Variants in CSMD1 observed in about 807,000 individuals in gnomAD.
The protein encoded by CSMD1 is CUB and Sushi multiple domains 1.
Under a neutral mutation model 417.5 loss-of-function variants are expected in CSMD1, and 213 were observed. The observed-to-expected ratio is 0.51, with a 90% confidence interval of 0.46 to 0.57. CSMD1 has a LOEUF of 0.57. Ranked by LOEUF, CSMD1 falls within the 20% of genes least tolerant of loss-of-function variation. The pLI is 0.00. For synonymous variants in CSMD1, 2,862 were observed against 1,736.8 expected (o/e 1.65, Z -16.11); for missense variants, 6,923 against 4,529.7 (o/e 1.53, Z -15.17).
chr8:4,288,373 G>C (rs1213936749), intron 3 of CSMD1, among the ~76,000 whole-genome samples: 2 of 152,146 alleles, frequency 1.3e-5, no homozygotes, highest in Non-Finnish European at 2.9e-5. Context: ...ATTCCAGAGA[G>C]GCTATCTTAC....
At chr8:3,881,933 T>C (rs955430219) in intron 5 of CSMD1, among the ~76,000 whole-genome samples, 1 of 152,042 alleles carries the variant, frequency 6.6e-6, no homozygotes, top group Non-Finnish European at 1.5e-5. Flanking sequence ...TCTTTATAAT[T>C]CCACAGAGAT....
chr8:4,817,179 C>T (rs1395809981), intron 1 of CSMD1, among the ~76,000 whole-genome samples: 1 of 152,040 alleles, frequency 6.6e-6, no homozygotes, highest in Non-Finnish European at 1.5e-5. Context: ...ACACTATACT[C>T]ATGTATAAAT....
At chr8:4,948,297 G>C (rs970612806) in intron 1 of CSMD1, among the ~76,000 whole-genome samples, 1 of 151,880 alleles carries the variant, frequency 6.6e-6, no homozygotes, top group African/African-American at 2.4e-5. Flanking sequence ...ATAATGTTAG[G>C]TATAGTTGTT....
At chr8:3,477,556 T>C (rs1424862157) in intron 11 of CSMD1, among the ~76,000 whole-genome samples, 3 of 152,322 alleles carry the variant, frequency 2.0e-5, no homozygotes, top group Middle Eastern at 3.4e-3. Flanking sequence ...GGCAGACTCA[T>C]TCCTCTTGAG....
intron 1 of CSMD1, among the ~76,000 whole-genome samples, chr8:4,790,709 C>G: frequency 6.6e-6 from 1 of 152,038 alleles, no homozygotes; most frequent in Non-Finnish European, 1.5e-5. Flanking sequence ...TTTTACAAAG[C>G]CAGCAAAAAG....
At chr8:4,116,029 C>G (rs1262891280) in intron 3 of CSMD1, among the ~76,000 whole-genome samples, 1 of 151,082 alleles carries the variant, frequency 6.6e-6, no homozygotes, top group Admixed American at 6.6e-5. Flanking sequence ...GAGAGGGAGT[C>G]TCACTCTGTC....
chr8:4,513,651 T>A (rs764109711), intron 2 of CSMD1, among the ~76,000 whole-genome samples: 3 of 152,216 alleles, frequency 2.0e-5, no homozygotes, highest in Admixed American at 6.5e-5. Context: ...AAGGAAGAGT[T>A]CTTTGCACTT....
intron 38 of CSMD1, among the ~76,000 whole-genome samples, chr8:3,161,379 G>A (rs912240417): frequency 2.0e-5 from 3 of 152,056 alleles, no homozygotes; most frequent in Non-Finnish European, 4.4e-5. Context: ...CACTTTGGGA[G>A]GCCAAGGCAG....
intron 2 of CSMD1, among the ~76,000 whole-genome samples, chr8:4,461,788 T>G (rs1278888547): frequency 1.6e-4 from 23 of 147,870 alleles, no homozygotes; most frequent in Non-Finnish European, 2.8e-4. Flanking sequence ...TCACCCAGGC[T>G]GGAGTGCAGT....
At chr8:3,839,430 A>AAT (rs1802953721) in intron 5 of CSMD1, among the ~76,000 whole-genome samples, 1 of 124,918 alleles carries the variant, frequency 8.0e-6, no homozygotes. Context: ...ATATATAATA[A>AAT]ATTAATATTA....
intron 1 of CSMD1, among the ~76,000 whole-genome samples, chr8:4,890,373 C>T (rs1464532110): frequency 2.0e-5 from 3 of 152,080 alleles, no homozygotes; most frequent in African/African-American, 7.3e-5. Flanking sequence ...AGATGGCACT[C>T]GGGTCCTCAC....
chr8:4,127,706 T>C (rs1163329110), intron 3 of CSMD1, among the ~76,000 whole-genome samples: 2 of 152,220 alleles, frequency 1.3e-5, no homozygotes, highest in African/African-American at 4.8e-5. Context: ...TCATGATGAA[T>C]AAATTTAAGA....
chr8:4,715,605 C>T (rs1022139950), intron 1 of CSMD1, among the ~76,000 whole-genome samples: 35 of 152,140 alleles, frequency 2.3e-4, no homozygotes, highest in East Asian at 1.2e-3. Flanking sequence ...CAAAATTTAA[C>T]GTGAACAAAA....
intron 1 of CSMD1, among the ~76,000 whole-genome samples, chr8:4,677,914 ATAT>A (rs1805795912): frequency 6.6e-6 from 1 of 152,206 alleles, no homozygotes; most frequent in African/African-American, 2.4e-5. Context: ...TTAATGAACT[ATAT>A]ATTGATTCCG....
chr8:3,669,203 G>A (rs573199099), intron 7 of CSMD1, among the ~76,000 whole-genome samples: 1 of 152,310 alleles, frequency 6.6e-6, no homozygotes, highest in South Asian at 2.1e-4. Context: ...GAAAGGCTAG[G>A]AGCATAAATT....
intron 55 of CSMD1, among the ~76,000 whole-genome samples, chr8:2,976,538 G>A (rs541731139): frequency 2.6e-5 from 4 of 152,166 alleles, no homozygotes; most frequent in South Asian, 2.1e-4. Context: ...TTGTAGAGAT[G>A]GAGTCTGGCT....
At chr8:3,900,345 G>A (rs1274710245) in intron 5 of CSMD1, among the ~76,000 whole-genome samples, 1 of 151,488 alleles carries the variant, frequency 6.6e-6, no homozygotes, top group African/African-American at 2.4e-5. Flanking sequence ...CTGGGTGACA[G>A]TGTAGCTGGT....
chr8:4,098,571 G>T (rs543650165), intron 3 of CSMD1, among the ~76,000 whole-genome samples: 2 of 152,040 alleles, frequency 1.3e-5, no homozygotes, highest in Admixed American at 1.3e-4. Context: ...GATTCGGCCT[G>T]AAAGATTGGG....
At chr8:3,336,776 G>A (rs1180681513) in intron 23 of CSMD1, among the ~76,000 whole-genome samples, 2 of 152,226 alleles carry the variant, frequency 1.3e-5, no homozygotes, top group African/African-American at 2.4e-5. Context: ...TGCATGCATC[G>A]CTGGCCCTGG....
Sources: gnomAD v4.1 joint callset for allele counts (sites outside exome capture counted in the v4.1 genomes callset) on GRCh38, gnomAD v4.1.1 for gene constraint, MANE v1.5 for transcripts, NCBI Gene and HGNC (gene_info 2026-07-23, HGNC 2026-07-21) for gene names.